The following TET3 variants were observed in gnomAD, a reference collection of about 807,000 sequenced individuals.
TET3 encodes the protein methylcytosine dioxygenase TET3.
Under a neutral mutation model 141.4 loss-of-function variants are expected in TET3, and 19 were observed. The ratio of observed to expected loss-of-function variants is 0.13; its 90% CI spans 0.09 to 0.20. The LOEUF (loss-of-function observed/expected upper bound fraction) is 0.20. TET3 is among the 10% of genes least tolerant of loss of function. The pLI is 1.00. For synonymous variants in TET3, 1,043 were observed against 980.9 expected, an observed-to-expected ratio of 1.06 and a Z score of -1.18; for missense variants, 1,874 against 2,356.9, an observed-to-expected ratio of 0.80 and a Z score of 4.24.
chr2:74,013,975 A>G (rs1270562028), intron 3 of TET3, among the ~76,000 whole-genome samples: 1 of 152,128 alleles, frequency 6.6e-6, no homozygotes, highest in Non-Finnish European at 1.5e-5. Flanking sequence ...GTCTACAGCT[A>G]CTGCTTTTCA....
Position 74,099,898 on chromosome 2 carries a change from A to G in TET3, c.3604+286A>G, listed in dbSNP as rs114692885. On this transcript the variant is annotated intron_variant, in intron 11 of 11. Transcript: ENST00000409262. Reference sequence around the variant, plus strand: ...AATCAGAGGCTCCCCTCTGAGCTCTAGTTTGCTCCCCTCTGAGATACTGAG... The same window carrying G: ...AATCAGAGGCTCCCCTCTGAGCTCTGGTTTGCTCCCCTCTGAGATACTGAG... Among the ~76,000 whole-genome samples the G allele has an allele frequency of 7.1e-3, 1,083 of 152,158 alleles. 13 individuals carry two copies. Among genetic ancestry groups the G allele is most frequent in the African/African-American group, 0.025 (1,044 of 41,516 alleles).
chr2:74,113,602 TAAAA>T, the TET3 span, among the ~76,000 whole-genome samples: 1 of 145,014 alleles, frequency 6.9e-6, no homozygotes, highest in Non-Finnish European at 1.5e-5. Flanking sequence ...AGTTGCAGGA[TAAAA>T]AAAAAAATTA....
the TET3 span, among the ~76,000 whole-genome samples, chr2:74,123,525 G>C: frequency 6.6e-6 from 1 of 152,222 alleles, no homozygotes; most frequent in Non-Finnish European, 1.5e-5. Flanking sequence ...GGGCAGGGGC[G>C]TGCAGGAGGG....
At position 74,047,928 on chromosome 2, in the gene TET3, C is replaced by T. The variant is rs1310730816; in HGVS notation, c.2011C>T (p.Pro671Ser). ...EPSLALFAPS[P>S]SRDSLLPPTQ... ...TTCTCTTGCGCTATTTGCACCTAGT[C>T]CCTCCAGGGACAGCCTGCTGCCCCC... Residue 671 changes from proline to serine, a missense_variant, in exon 4 of 12, where the codon CCC (proline) becomes TCC (serine). By Grantham distance (74) the Pro-to-Ser change is moderately conservative. Transcript: ENST00000409262. 4 of 1,613,642 alleles carry T rather than the reference C, an allele frequency of 2.5e-6. No individual in the cohort carries two copies. In the South Asian group the frequency reaches 4.4e-5, roughly 18 times the overall value.
At chr2:74,011,890 A>AG (rs975375985) in intron 3 of TET3, among the ~76,000 whole-genome samples, 2 of 152,022 alleles carry the variant, frequency 1.3e-5, no homozygotes, top group Non-Finnish European at 2.9e-5. Flanking sequence ...AGGAAAAAAA[A>AG]AAAAGAAAGG....
At chr2:74,065,562 T>G (rs1041423292) in intron 4 of TET3, among the ~76,000 whole-genome samples, 3 of 151,390 alleles carry the variant, frequency 2.0e-5, no homozygotes, top group South Asian at 2.1e-4. Flanking sequence ...TTTGTTTTTT[T>G]TTTTTTTGGC....
At chr2:74,005,951 G>A (rs1034620579) in intron 3 of TET3, among the ~76,000 whole-genome samples, 12 of 152,088 alleles carry the variant, frequency 7.9e-5, no homozygotes, top group African/African-American at 2.2e-4. Context: ...ACACCGGGCC[G>A]CCCTGCTTTC....
At chr2:74,084,599 CCCA>C (rs1304442610) in intron 6 of TET3, among the ~76,000 whole-genome samples, 2 of 152,124 alleles carry the variant, frequency 1.3e-5, no homozygotes, top group African/African-American at 4.8e-5. Flanking sequence ...ACTACAGGTG[CCCA>C]CCACCACGCC....
intron 4 of TET3, among the ~76,000 whole-genome samples, chr2:74,063,317 G>A (rs1249410718): frequency 1.3e-5 from 2 of 152,120 alleles, no homozygotes; most frequent in Non-Finnish European, 2.9e-5. Context: ...GCCAGGTCTT[G>A]CCATTATAAA....
In TET3 at chr2:74,100,712, C is replaced by T. The variant is rs17851977; in HGVS notation, c.3924C>T (p.His1308=). The part of the protein sequence containing the change: ...SQFLGPGAWG[H]SGSSGSFEKK... ...TCCTGGGTCCTGGTGCCTGGGGGCA[C>T]AGTGGCAGCAGTGGCAGTTTTGAGA... The change falls in exon 12 of 12, where the codon CAC becomes CAT. Residue 1308 remains histidine (H), a synonymous_variant. Transcript: ENST00000409262. 6.2e-7 allele frequency: 1 copy of T among 1,613,856 alleles called. No homozygotes were observed. The highest frequency in any genetic ancestry group is 8.5e-7 in the Non-Finnish European group (1 of 1,179,874).
chr2:74,061,254 A>T (rs1458784032), intron 4 of TET3, among the ~76,000 whole-genome samples: 2 of 121,442 alleles, frequency 1.6e-5, no homozygotes. Context: ...TGACCCCCCC[A>T]CTTCCCTCCC....
At position 74,013,534 on chromosome 2, in the gene TET3, G is replaced by A. The variant is rs560595446; in HGVS notation, c.360+10368G>A. ...TCGATTCTTTTTATTGGGGCTGGGCGCAGTGGCTCTCACGCCTGTAATCCC... is the reference window on the plus strand; with the variant it reads ...TCGATTCTTTTTATTGGGGCTGGGCACAGTGGCTCTCACGCCTGTAATCCC... On this transcript the variant is annotated intron_variant, in intron 3 of 11. Transcript: ENST00000409262. Among the ~76,000 whole-genome samples the A allele has an allele frequency of 2.2e-3, 336 of 152,090 alleles. 1 individual carries two copies. The highest frequency in any genetic ancestry group is 2.7e-3 in the Non-Finnish European group (184 of 67,970).
At chr2:74,009,844 C>G (rs561566326) in intron 3 of TET3, among the ~76,000 whole-genome samples, 1 of 152,230 alleles carries the variant, frequency 6.6e-6, no homozygotes, top group Admixed American at 6.5e-5. Context: ...TAGAATCAAA[C>G]CCATGGGCTC....
In TET3 at chr2:74,101,403, G is replaced by A; in HGVS notation, c.4615G>A (p.Ala1539Thr). 1 of 1,613,956 alleles carries A rather than the reference G, an allele frequency of 6.2e-7. No individual in the cohort carries two copies. The highest frequency in any genetic ancestry group is 1.3e-5 in the African/African-American group (1 of 75,046). Residue 1539 changes from alanine (A) to threonine (T), a missense_variant, in exon 12 of 12, where the codon GCA (alanine) becomes ACA (threonine). Physicochemically the swap from Ala to Thr is moderately conservative, Grantham distance 58. Transcript: ENST00000409262. This position sits in a 1 kb window ranked among gnomAD's most constrained non-coding sequence, Gnocchi z 8.5. ...GACTGAGAAGCCGTGGGCGCTGGGG[G>A]CAGGGGATTTCAACTCGGCCCTGAA... ...SLTEKPWALG[A>T]GDFNSALKGS...
the TET3 span, among the ~76,000 whole-genome samples, chr2:74,114,853 C>CAAAAAAAAAAAAAAAAAAA: frequency 7.7e-3 from 339 of 43,776 alleles, 31 homozygotes; most frequent in African/African-American, 0.014. Context: ...GACTCTGTCT[C>CAAAAAAAAAAAAAAAAAAA]AAAAAAAAAA....
At chr2:74,012,507 C>T (rs944442439) in intron 3 of TET3, among the ~76,000 whole-genome samples, 2 of 152,154 alleles carry the variant, frequency 1.3e-5, no homozygotes, top group Non-Finnish European at 2.9e-5. Context: ...TGGTAGCAGC[C>T]CCACCTTTCA....
chr2:74,025,572 T>C (rs865840922), intron 3 of TET3, among the ~76,000 whole-genome samples: 2 of 152,148 alleles, frequency 1.3e-5, no homozygotes, highest in Middle Eastern at 3.4e-3. Context: ...CCGGCCTGAA[T>C]GTAGGTTTTC....
chr2:74,115,680 G>T, the TET3 span, among the ~76,000 whole-genome samples: 3 of 152,096 alleles, frequency 2.0e-5, no homozygotes, highest in African/African-American at 7.2e-5. Context: ...AGGTGCATTT[G>T]CTTCTATAAA....
At chr2:74,134,759 C>A in the TET3 span, 1 of 456,766 alleles carries the variant, frequency 2.2e-6, no homozygotes, top group Admixed American at 2.3e-5. Flanking sequence ...CCAAATCACA[C>A]TGCAGACCCA....
Sources: gnomAD v4.1 joint callset for allele counts (sites outside exome capture counted in the v4.1 genomes callset) on GRCh38, gnomAD v4.1.1 for gene constraint, Gnocchi (gnomAD v3.1) non-coding constraint, MANE v1.5 for transcripts, NCBI Gene and HGNC (gene_info 2026-07-23, HGNC 2026-07-21) for gene names.